The following PTPRT variants were observed in gnomAD, a reference collection of about 807,000 sequenced individuals.
PTPRT encodes the protein receptor-type tyrosine-protein phosphatase T.
Under a neutral mutation model 176.8 loss-of-function variants are expected in PTPRT, and 56 were observed. The ratio of observed to expected loss-of-function variants is 0.32; its 90% CI spans 0.26 to 0.40. The LOEUF (loss-of-function observed/expected upper bound fraction) is 0.40, where lower values mean the gene tolerates loss of function less well. PTPRT is among the 10% of genes least tolerant of loss of function. PTPRT has a pLI of 1.00. For missense variants in PTPRT, 1,540 were observed against 1,908.2 expected, an observed-to-expected ratio of 0.81 and a Z score of 3.60; for synonymous variants, 783 against 739.0, an observed-to-expected ratio of 1.06 and a Z score of -0.96.
intron 1 of PTPRT, among the ~76,000 whole-genome samples, chr20:43,121,746 T>A (rs1397506400): frequency 2.6e-5 from 4 of 152,146 alleles, no homozygotes; most frequent in African/African-American, 4.8e-5. Context: ...TTCGAAAAAA[T>A]ATTTTAAATT....
intron 1 of PTPRT, among the ~76,000 whole-genome samples, chr20:42,960,335 A>G (rs1981915328): frequency 6.6e-6 from 1 of 152,056 alleles, no homozygotes; most frequent in African/African-American, 2.4e-5. Flanking sequence ...TGCTTCCAAG[A>G]TGGCACCTTC....
intron 6 of PTPRT, among the ~76,000 whole-genome samples, chr20:42,678,587 A>C (rs1482174756): frequency 1.3e-5 from 2 of 152,220 alleles, no homozygotes; most frequent in Non-Finnish European, 2.9e-5. Flanking sequence ...TACAGGCATG[A>C]GCCAACACGC....
At chr20:42,750,126 G>A (rs1469583558) in intron 6 of PTPRT, among the ~76,000 whole-genome samples, 4 of 152,138 alleles carry the variant, frequency 2.6e-5, no homozygotes, top group African/African-American at 9.7e-5. Context: ...TTTCAGAAGA[G>A]GGAGACCTTA....
intron 15 of PTPRT, among the ~76,000 whole-genome samples, chr20:42,205,713 T>C (rs890379816): frequency 6.6e-6 from 1 of 152,094 alleles, no homozygotes; most frequent in South Asian, 2.1e-4. Context: ...CTCTTCCCCA[T>C]AGGGCTCCTC....
chr20:42,845,530 G>A (rs1284929051), intron 2 of PTPRT, among the ~76,000 whole-genome samples: 1 of 152,194 alleles, frequency 6.6e-6, no homozygotes, highest in Admixed American at 6.5e-5. Context: ...GAATGCTCCA[G>A]AGAGTACTTA....
At chr20:42,041,460 T>G in the PTPRT span, among the ~76,000 whole-genome samples, 150 of 152,340 alleles carry the variant, frequency 9.8e-4, no homozygotes, top group African/African-American at 3.5e-3. Flanking sequence ...GTTCTTGGGT[T>G]GGTTTTTCCT....
intron 13 of PTPRT, among the ~76,000 whole-genome samples, chr20:42,252,755 G>A (rs548379789): frequency 5.9e-5 from 9 of 152,300 alleles, no homozygotes; most frequent in African/African-American, 2.2e-4. Context: ...CATACTTGAG[G>A]GCCACAGAAG....
chr20:42,916,414 G>A (rs147723465), intron 1 of PTPRT, among the ~76,000 whole-genome samples: 4,007 of 152,046 alleles, frequency 0.026, 159 homozygotes, highest in African/African-American at 0.091. Flanking sequence ...GAATAGTGCC[G>A]CTATAAACAT....
chr20:42,775,989 T>G (rs1292138531), intron 4 of PTPRT, among the ~76,000 whole-genome samples: 3 of 152,200 alleles, frequency 2.0e-5, no homozygotes, highest in African/African-American at 7.2e-5. Context: ...CAGAAGCTAC[T>G]ATCCACTTGC....
intron 6 of PTPRT, among the ~76,000 whole-genome samples, chr20:42,707,166 G>T (rs2076072695): frequency 6.6e-6 from 1 of 152,074 alleles, no homozygotes; most frequent in South Asian, 2.1e-4. Flanking sequence ...TCTGTGTGTT[G>T]TTTTTTTGTT....
At chr20:42,879,156 G>C (rs1255144231) in intron 2 of PTPRT, among the ~76,000 whole-genome samples, 2 of 152,206 alleles carry the variant, frequency 1.3e-5, no homozygotes, top group East Asian at 3.9e-4. Flanking sequence ...CCTGGTTTTA[G>C]TTTCCTAGAA....
chr20:42,674,831 G>A (rs762674280), intron 7 of PTPRT, among the ~76,000 whole-genome samples: 7 of 152,028 alleles, frequency 4.6e-5, no homozygotes, highest in East Asian at 1.9e-4. Flanking sequence ...ATACTACCAC[G>A]ATACACCACT....
At chr20:42,365,354 A>G (rs561128324) in intron 9 of PTPRT, among the ~76,000 whole-genome samples, 3 of 152,302 alleles carry the variant, frequency 2.0e-5, no homozygotes, top group African/African-American at 4.8e-5. Flanking sequence ...TTGTACCCCT[A>G]TGAATTTTAA....
At chr20:43,042,738 A>ATCTCTCCTCCCACCCG (rs1986665785) in intron 1 of PTPRT, among the ~76,000 whole-genome samples, 1 of 17,596 alleles carries the variant, frequency 5.7e-5, no homozygotes, top group East Asian at 2.0e-3. Context: ...CCTCCCACCC[A>ATCTCTCCTCCCACCCG]CCATCTCTCC....
chr20:43,159,895 A>C (rs955964808), intron 1 of PTPRT, among the ~76,000 whole-genome samples: 1 of 151,938 alleles, frequency 6.6e-6, no homozygotes, highest in African/African-American at 2.4e-5. Flanking sequence ...AGTCATTCCT[A>C]ATCTGATGAC....
chr20:42,954,438 T>G (rs2146024499), intron 1 of PTPRT, among the ~76,000 whole-genome samples: 1 of 152,270 alleles, frequency 6.6e-6, no homozygotes, highest in South Asian at 2.1e-4. Flanking sequence ...CCAGCACCTC[T>G]TATCACTTTC....
intron 2 of PTPRT, among the ~76,000 whole-genome samples, chr20:42,812,081 C>G (rs1483635608): frequency 7.5e-6 from 1 of 133,564 alleles, no homozygotes; most frequent in East Asian, 2.2e-4. Context: ...CTTTTTTTTT[C>G]TCCTTGTGGA....
intron 13 of PTPRT, among the ~76,000 whole-genome samples, chr20:42,256,533 G>A (rs962161376): frequency 4.6e-5 from 7 of 151,386 alleles, no homozygotes; most frequent in East Asian, 1.9e-4. Flanking sequence ...GATACTTTAC[G>A]CTAGTGTGAT....
At chr20:43,119,704 T>G (rs925536834) in intron 1 of PTPRT, among the ~76,000 whole-genome samples, 1 of 152,210 alleles carries the variant, frequency 6.6e-6, no homozygotes, top group Non-Finnish European at 1.5e-5. Flanking sequence ...GCCAAAAAAT[T>G]TTTAACAAAC....
Sources: gnomAD v4.1 joint callset for allele counts (sites outside exome capture counted in the v4.1 genomes callset) on GRCh38, gnomAD v4.1.1 for gene constraint, MANE v1.5 for transcripts, NCBI Gene and HGNC (gene_info 2026-07-23, HGNC 2026-07-21) for gene names.